Variants in MKLN1 observed in about 807,000 individuals in gnomAD.
MKLN1 encodes the protein muskelin.
A neutral mutation model predicts 99.0 loss-of-function variants in MKLN1; 18 were observed. The observed-to-expected ratio is 0.18, with a 90% CI of 0.13 to 0.27. The LOEUF is 0.27. MKLN1 is among the 10% of genes least tolerant of loss of function. MKLN1 has a pLI of 1.00. For missense variants in MKLN1, 621 were observed against 875.9 expected (o/e 0.71, Z 3.67); for synonymous variants, 288 against 293.2 (o/e 0.98, Z 0.18).
chr7:131,154,456 A>G (rs947171974), intron 2 of MKLN1, among the ~76,000 whole-genome samples: 1 of 152,196 alleles, frequency 6.6e-6, no homozygotes. Flanking sequence ...GGAAGGGAAT[A>G]TAGATGTAAC....
chr7:131,458,172 G>A (rs956354753), intron 12 of MKLN1, among the ~76,000 whole-genome samples: 12 of 152,180 alleles, frequency 7.9e-5, no homozygotes, highest in Admixed American at 3.9e-4. Context: ...GAACAGCAAT[G>A]TAGAATGAGA....
At chr7:131,282,349 CAAAAAAAAAA>C (rs1001483569) in intron 3 of MKLN1, among the ~76,000 whole-genome samples, 2 of 65,684 alleles carry the variant, frequency 3.0e-5, no homozygotes, top group African/African-American at 4.9e-5. Context: ...AACTCCGTCT[CAAAAAAAAAA>C]AAAAAAAAAA....
intron 1 of MKLN1, among the ~76,000 whole-genome samples, chr7:131,336,826 A>G (rs1450240151): frequency 3.3e-5 from 5 of 151,856 alleles, no homozygotes; most frequent in Non-Finnish European, 7.4e-5. Context: ...TACCCTTTCC[A>G]TTGTTCTTTA....
At chr7:131,327,694 C>T (rs1203737119), upstream of MKLN1, 1 of 861,172 alleles carries the variant, frequency 1.2e-6, no homozygotes, top group African/African-American at 1.8e-5. Flanking sequence ...ACACCTCAGA[C>T]CCAGTGTCGG....
Position 131,219,089 on chromosome 7 carries a change from G to T in MKLN1, c.-179+16115G>T, listed in dbSNP as rs572753304. Among the ~76,000 whole-genome samples the T allele has an allele frequency of 2.6e-5, 4 of 152,246 alleles. No individual in the cohort carries two copies. In the South Asian group the frequency reaches 8.3e-4, roughly 32 times the overall value. The stretch of plus-strand genomic sequence containing the variant: ...ATGAGAGTTGTTTAATGGGTACAAA[G>T]CTTCAGTTTTGCAAGATGGAAAATT... On this transcript the variant is annotated intron_variant, in intron 3 of 7. Transcript: ENST00000416992.
rs922804544 is a variant in MKLN1 at position 131,185,577 on chromosome 7, C to CA, written c.-296-17271dup. 5.4e-4 allele frequency among the ~76,000 whole-genome samples: 81 copies of CA among 149,610 alleles called. No homozygotes were observed. The East Asian group carries it at 6.9e-3, about 13-fold the overall frequency. ...TGGGCGACAGAGCAAGATTCCATCT[C>CA]AAAAAAAAATAAAAAATAAAAAAAT... On this transcript the variant is annotated intron_variant, in intron 2 of 7. Transcript: ENST00000416992.
chr7:131,345,297 A>G (rs893277087), intron 1 of MKLN1, among the ~76,000 whole-genome samples: 1 of 152,236 alleles, frequency 6.6e-6, no homozygotes, highest in Admixed American at 6.5e-5. Flanking sequence ...ATGTTAATAT[A>G]TACTTAGCAG....
upstream of MKLN1, chr7:131,327,351 AC>A (rs1228300888): frequency 6.5e-6 from 1 of 153,084 alleles, no homozygotes; most frequent in Non-Finnish European, 1.5e-5. Flanking sequence ...AGGACACGGG[AC>A]CATTTCCTTT....
At chr7:131,442,675 G>C (rs1795875987) in intron 10 of MKLN1, among the ~76,000 whole-genome samples, 3 of 152,186 alleles carry the variant, frequency 2.0e-5, no homozygotes, top group Admixed American at 1.3e-4. Flanking sequence ...GATGTTTTGT[G>C]TACACAATTT....
chr7:131,156,466 A>AAAAAG (rs1795967264), intron 2 of MKLN1, among the ~76,000 whole-genome samples: 7 of 151,244 alleles, frequency 4.6e-5, no homozygotes, highest in African/African-American at 1.7e-4. Context: ...AAAAAAAAAA[A>AAAAAG]AAAAGAAAAG....
intron 6 of MKLN1, among the ~76,000 whole-genome samples, chr7:131,407,882 T>G (rs1424831039): frequency 1.3e-5 from 2 of 152,076 alleles, no homozygotes; most frequent in African/African-American, 4.8e-5. Flanking sequence ...TTTGCCTTGG[T>G]GCTGTATTTC....
At chr7:131,441,197 A>C (rs1410498260) in intron 10 of MKLN1, among the ~76,000 whole-genome samples, 2 of 152,202 alleles carry the variant, frequency 1.3e-5, no homozygotes, top group East Asian at 3.8e-4. Flanking sequence ...ATCTCAGCTC[A>C]TTGATATTCT....
chr7:131,155,431 C>T (rs892551907), intron 2 of MKLN1, among the ~76,000 whole-genome samples: 1 of 152,102 alleles, frequency 6.6e-6, no homozygotes, highest in Non-Finnish European at 1.5e-5. Context: ...ATACATATAT[C>T]GTGAATGTAT....
intron 3 of MKLN1, among the ~76,000 whole-genome samples, chr7:131,302,822 G>A (rs1260330958): frequency 6.6e-6 from 1 of 152,192 alleles, no homozygotes; most frequent in Non-Finnish European, 1.5e-5. Flanking sequence ...TTAAGAATTA[G>A]CAGGTGCTTC....
intron 8 of MKLN1, among the ~76,000 whole-genome samples, chr7:131,417,049 A>C (rs1170856629): frequency 6.6e-6 from 1 of 151,476 alleles, no homozygotes; most frequent in African/African-American, 2.4e-5. Context: ...GATTTACTTT[A>C]GAAATTATAA....
chr7:131,325,702 C>CA (rs3837072), upstream of MKLN1, among the ~76,000 whole-genome samples: 58 of 144,818 alleles, frequency 4.0e-4, no homozygotes, highest in Non-Finnish European at 6.5e-4. Context: ...GATTCTGTCT[C>CA]AAAAAAAAAA....
At chr7:131,460,692 AATTGTAGG>A (rs1796489675) in intron 12 of MKLN1, among the ~76,000 whole-genome samples, 1 of 152,130 alleles carries the variant, frequency 6.6e-6, no homozygotes, top group Non-Finnish European at 1.5e-5. Flanking sequence ...CTCTGGTAAT[AATTGTAGG>A]TGAAAACAGC....
chr7:131,157,438 A>T (rs1156502177), intron 2 of MKLN1, among the ~76,000 whole-genome samples: 2 of 152,118 alleles, frequency 1.3e-5, no homozygotes, highest in Non-Finnish European at 2.9e-5. Flanking sequence ...TTTTAGAGAC[A>T]GTCTGCCTTC....
intron 3 of MKLN1, among the ~76,000 whole-genome samples, chr7:131,244,847 G>A (rs986687897): frequency 7.9e-5 from 12 of 151,940 alleles, no homozygotes; most frequent in Admixed American, 2.6e-4. Flanking sequence ...ACATATGCCC[G>A]AATGTACAAG....
Sources: gnomAD v4.1 joint callset for allele counts (sites outside exome capture counted in the v4.1 genomes callset) on GRCh38, gnomAD v4.1.1 for gene constraint, MANE v1.5 for transcripts, NCBI Gene and HGNC (gene_info 2026-07-23, HGNC 2026-07-21) for gene names.